Variants in SPIRE2 observed in about 807,000 individuals in gnomAD.
The protein encoded by SPIRE2 is spire type actin nucleation factor 2, also known as protein spire homolog 2.
In SPIRE2, 76 loss-of-function variants were observed where a neutral mutation model predicts 80.7. That is an observed-to-expected ratio of 0.94 (90% CI 0.78 to 1.14). SPIRE2 has a LOEUF of 1.14. Among genes scored for constraint, SPIRE2 ranks in the 50% most tolerant of loss-of-function variants. The probability of loss-of-function intolerance (pLI) is 0.00; values close to 1 mark genes in which losing one functional copy is unlikely to be tolerated. For missense variants in SPIRE2, 1,196 were observed against 1,015.3 expected (o/e 1.18, Z -2.42); for synonymous variants, 535 against 432.6 (o/e 1.24, Z -2.94).
In SPIRE2 at chr16:89,863,987, C is replaced by T; in HGVS notation, c.1778+126C>T. On this transcript the variant is annotated intron_variant, in intron 12 of 14. Transcript: ENST00000378247. This position sits in a 1 kb window ranked among gnomAD's most constrained non-coding sequence, Gnocchi z 4.3. The stretch of plus-strand genomic sequence containing the variant: ...TAGCATGTTCGATGGCTGATGAGTC[C>T]ACAAGATATGGTTAGTACGAATGAG... The T allele has an allele frequency of 1.5e-6, 1 of 669,022 alleles. No homozygotes were observed. The highest frequency in any genetic ancestry group is 2.6e-6 in the Non-Finnish European group (1 of 378,166). 41.4% of individuals were successfully genotyped at this position (669,022 alleles called of 1,614,324 possible).
chr16:89,847,434 A>G (rs1487908999), intron 2 of SPIRE2, among the ~76,000 whole-genome samples: 2 of 152,186 alleles, frequency 1.3e-5, no homozygotes, highest in African/African-American at 4.8e-5. Flanking sequence ...CCGAGTCTCC[A>G]AACAGAGCAG....
At position 89,859,342 on chromosome 16, in the gene SPIRE2, T is replaced by A; in HGVS notation, c.1450T>A (p.Ser484Thr). 6.4e-7 allele frequency: 1 copy of A among 1,567,126 alleles called. No individual in the cohort carries two copies. Among genetic ancestry groups the A allele is most frequent in the African/African-American group, 1.4e-5 (1 of 73,328 alleles). ...AGSAHVWRPGSRDQGTCPASV... is the reference protein window; with the variant it reads ...AGSAHVWRPGTRDQGTCPASV... Reference sequence around the variant, plus strand: ...CAGTGCGCATGTGTGGAGGCCCGGCTCCCGAGACCAGGGCAAGTGCTGCTT... The same window carrying A: ...CAGTGCGCATGTGTGGAGGCCCGGCACCCGAGACCAGGGCAAGTGCTGCTT... Residue 484 changes from serine (S) to threonine (T), a missense_variant, in exon 9 of 15, where the codon TCC (serine) becomes ACC (threonine). By Grantham distance (58) the Ser-to-Thr change is moderately conservative (BLOSUM62 1). Coordinates refer to ENST00000378247, the MANE Select transcript of SPIRE2 (RefSeq NM_032451.2).
chr16:89,856,119 G>A lies in SPIRE2; in HGVS notation c.985G>A (p.Glu329Lys), dbSNP rs2041689252. 1 of 1,611,764 alleles carries A rather than the reference G, an allele frequency of 6.2e-7. No homozygotes were observed. Among genetic ancestry groups the A allele is most frequent in the Non-Finnish European group, 8.5e-7 (1 of 1,179,682 alleles). Residue 329 changes from glutamate to lysine, a missense_variant, in exon 7 of 15, where the codon GAG becomes AAG. Coordinates refer to ENST00000378247, the MANE Select transcript of SPIRE2 (RefSeq NM_032451.2). The stretch of plus-strand genomic sequence containing the variant: ...TCTCGCTTCCCCACCGCAGGTCTCT[G>A]AGAGGCGGCTGCGCCCGTTGCCACC... ...RSRPPLKQVS[E>K]RRLRPLPPKQ... is the part of the protein sequence containing the mutation.
rs866136380 is a variant in SPIRE2 at position 89,828,669 on chromosome 16, C to A, written c.119C>A (p.Ala40Glu). 2 of 1,350,526 alleles carry A rather than the reference C, an allele frequency of 1.5e-6. No individual in the cohort carries two copies. Among genetic ancestry groups the A allele is most frequent in the East Asian group, 3.2e-5 (1 of 30,846 alleles). The allele number at this position is 1,350,526 out of a possible 1,614,324, so 83.7% of individuals were successfully genotyped here. A position where few individuals can be genotyped will look rare whatever the true frequency, so the allele number is the denominator to read the frequency against. Residue 40 changes from alanine (A) to glutamate (E), a missense_variant, in exon 1 of 15, where the codon GCG (alanine) becomes GAG (glutamate). By Grantham distance (107) the Ala-to-Glu change is moderately radical. Transcript: ENST00000378247. This position sits in a 1 kb window ranked among gnomAD's most constrained non-coding sequence, Gnocchi z 5.9. ...AYEQPLNEEQ[A>E]WAVCFQGCRG... is the part of the protein sequence containing the mutation. ...GAGCAGCCGCTCAACGAGGAGCAGGCGTGGGCCGTGTGCTTCCAGGGCTGC... is the reference window on the plus strand; with the variant it reads ...GAGCAGCCGCTCAACGAGGAGCAGGAGTGGGCCGTGTGCTTCCAGGGCTGC...
At position 89,828,589 on chromosome 16, in the gene SPIRE2, C is replaced by T. The variant is rs901083346; in HGVS notation, c.39C>T (p.Gly13=). The stretch of plus-strand genomic sequence containing the variant: ...GCAGCTGCGGCGGCGCCGCGGCGGG[C>T]GCAGGGCGGCCGGAGCCCTGGGAGC... ...RAGSCGGAAA[G]AGRPEPWELS... is the part of the protein sequence containing the mutation. The change falls in exon 1 of 15, where the codon GGC becomes GGT. Residue 13 remains glycine, a synonymous_variant. Transcript: ENST00000378247. This position sits in a 1 kb window ranked among gnomAD's most constrained non-coding sequence, Gnocchi z 5.9. 133 of 1,193,836 alleles carry T rather than the reference C, an allele frequency of 1.1e-4. No individual in the cohort carries two copies. Among genetic ancestry groups the T allele is most frequent in the Admixed American group, 3.1e-4 (7 of 22,640 alleles). 74.0% of individuals were successfully genotyped at this position (1,193,836 alleles called of 1,614,324 possible).
Position 89,855,583 on chromosome 16 carries a change from A to C in SPIRE2, c.892-17A>C. ...GATGGTCCCTGCAGGGCCTCAGATCAGCCGTCCTCCCCGCAGGTGGATGGG... is the reference window on the plus strand; with the variant it reads ...GATGGTCCCTGCAGGGCCTCAGATCCGCCGTCCTCCCCGCAGGTGGATGGG... On this transcript the variant is annotated splice_polypyrimidine_tract_variant and intron_variant, in intron 5 of 14. Transcript: ENST00000378247. 6.2e-7 allele frequency: 1 copy of C among 1,610,264 alleles called. No individual in the cohort carries two copies. The highest frequency in any genetic ancestry group is 1.7e-4 in the Middle Eastern group (1 of 6,052).
At chr16:89,839,866 C>T (rs532683861) in intron 1 of SPIRE2, among the ~76,000 whole-genome samples, 70 of 152,348 alleles carry the variant, frequency 4.6e-4, no homozygotes, top group African/African-American at 1.6e-3. Flanking sequence ...CAAGCCTGGC[C>T]AGGGGGCCCT....
At position 89,860,699 on chromosome 16, in the gene SPIRE2, T is replaced by C; in HGVS notation, c.1479T>C (p.Ser493=). The change falls in exon 10 of 15, where the codon AGT becomes AGC. Residue 493 remains serine (S), a synonymous_variant. Coordinates refer to ENST00000378247, the MANE Select transcript of SPIRE2 (RefSeq NM_032451.2). ...CTCCCCCAGGTACCTGTCCCGCGAG[T>C]GTCTCTGACCCCAGCCACCCCCTAC... ...GSRDQGTCPA[S]VSDPSHPLLS... The C allele has an allele frequency of 6.3e-7, 1 of 1,592,432 alleles. No individual in the cohort carries two copies. The highest frequency in any genetic ancestry group is 1.7e-4 in the Middle Eastern group (1 of 6,026).
At chr16:89,858,163 G>A (rs1009290028) in intron 7 of SPIRE2, among the ~76,000 whole-genome samples, 175 bp from the exon 8 acceptor site, 1 of 152,212 alleles carries the variant, frequency 6.6e-6, no homozygotes, top group African/African-American at 2.4e-5. Flanking sequence ...GGGATTACAG[G>A]CGTGAGCCAC....
At chr16:89,833,420 G>A (rs538972999) in intron 1 of SPIRE2, among the ~76,000 whole-genome samples, 61 of 152,324 alleles carry the variant, frequency 4.0e-4, no homozygotes, top group Admixed American at 1.2e-3. Context: ...CACCGCACCC[G>A]CCTGGCCAAA....
chr16:89,829,282 G>A (rs1166640981), intron 1 of SPIRE2, among the ~76,000 whole-genome samples: 1 of 152,250 alleles, frequency 6.6e-6, no homozygotes, highest in Non-Finnish European at 1.5e-5. Context: ...GTTTAACTGG[G>A]AGAGGAAGGG....
At position 89,842,636 on chromosome 16, in the gene SPIRE2, G is replaced by A. The variant is rs76244687; in HGVS notation, c.245-2686G>A. Among the ~76,000 whole-genome samples, 1,511 of 151,680 alleles carry A rather than the reference G, an allele frequency of 1.0e-2. 13 individuals carry two copies. Among genetic ancestry groups the A allele is most frequent in the African/African-American group, 0.03 (1,228 of 41,004 alleles). On this transcript the variant is annotated intron_variant, in intron 1 of 14. Transcript: ENST00000378247. ...GCACTGAGGACCTCGCCTGATGTGG[G>A]CTTAGTCTGTGAAGGCACTGAAGGG... is the stretch of plus-strand genomic sequence containing the variant.
rs1489766541 is a variant in SPIRE2 at position 89,870,494 on chromosome 16, T to C, written c.*222T>C. The C allele has an allele frequency of 2.0e-6, 1 of 493,672 alleles. No individual in the cohort carries two copies. Among genetic ancestry groups the C allele is most frequent in the African/African-American group, 1.9e-5 (1 of 52,046 alleles). The allele number at this position is 493,672 out of a possible 1,614,324, so 30.6% of individuals were successfully genotyped here. A position where few individuals can be genotyped will look rare whatever the true frequency, so the allele number is the denominator to read the frequency against. On this transcript the variant is annotated 3_prime_UTR_variant, in exon 15 of 15. Coordinates refer to ENST00000378247, the MANE Select transcript of SPIRE2 (RefSeq NM_032451.2). ...GGAGGCTGTTTCTTCTCAGGATTCC[T>C]TGCCAGGGAGGAAGGGGAGGGAACA...
At position 89,854,530 on chromosome 16, in the gene SPIRE2, T is replaced by G; in HGVS notation, c.770T>G (p.Val257Gly). Reference sequence around the variant, plus strand: ...CTCATGCGGGAGCTCCGCCGCGGAGTGAAGCTGAAGAAGGTGCAAGAGCAG... The same window carrying G: ...CTCATGCGGGAGCTCCGCCGCGGAGGGAAGCTGAAGAAGGTGCAAGAGCAG... ...VQLMRELRRG[V>G]KLKKVQEQEF... is the part of the protein sequence containing the mutation. The change falls in exon 5 of 15, where the codon GTG becomes GGG. Residue 257 changes from valine (V) to glycine (G), a missense_variant. Transcript: ENST00000378247. 6.2e-7 allele frequency: 1 copy of G among 1,611,984 alleles called. No individual in the cohort carries two copies. Among genetic ancestry groups the G allele is most frequent in the Non-Finnish European group, 8.5e-7 (1 of 1,179,824 alleles).
intron 2 of SPIRE2, among the ~76,000 whole-genome samples, chr16:89,848,249 C>T (rs1875907674): frequency 6.6e-6 from 1 of 152,246 alleles, no homozygotes; most frequent in African/African-American, 2.4e-5. Flanking sequence ...CTGGCCAGGG[C>T]CCTGCTGTCA....
At chr16:89,829,653 G>A (rs1165834099) in intron 1 of SPIRE2, among the ~76,000 whole-genome samples, 1 of 139,128 alleles carries the variant, frequency 7.2e-6, no homozygotes. Flanking sequence ...ACGAGGGGTG[G>A]GGGCCGTTGT....
At chr16:89,837,867 A>G (rs755976201) in intron 1 of SPIRE2, among the ~76,000 whole-genome samples, 4 of 152,178 alleles carry the variant, frequency 2.6e-5, no homozygotes, top group Non-Finnish European at 5.9e-5. Flanking sequence ...AGTGAGATGC[A>G]AGAGGAAGCT....
At chr16:89,833,154 C>A (rs1009090467) in intron 1 of SPIRE2, among the ~76,000 whole-genome samples, 2 of 151,500 alleles carry the variant, frequency 1.3e-5, no homozygotes, top group African/African-American at 4.9e-5. Flanking sequence ...ACCGCACATG[C>A]CTTTTTGTAT....
chr16:89,843,273 C>T (rs927120400), intron 1 of SPIRE2, among the ~76,000 whole-genome samples: 2 of 152,192 alleles, frequency 1.3e-5, no homozygotes, highest in African/African-American at 2.4e-5. Flanking sequence ...ATCCTCCGGT[C>T]TCTGTTTCCT....
Sources: allele counts gnomAD v4.1 joint callset (sites outside exome capture counted in the v4.1 genomes callset), GRCh38; gene constraint gnomAD v4.1.1; non-coding constraint Gnocchi (gnomAD v3.1); transcripts MANE v1.5; gene names NCBI Gene and HGNC (gene_info 2026-07-23, HGNC 2026-07-21).